CREB3L1: variants seen among roughly 807,000 people sequenced by gnomAD.
CREB3L1 encodes the protein cyclic AMP-responsive element-binding protein 3-like protein 1.
Under a neutral mutation model 54.5 loss-of-function variants are expected in CREB3L1, and 33 were observed. The observed-to-expected ratio is 0.61, with a 90% confidence interval of 0.46 to 0.81. CREB3L1 has a LOEUF of 0.81. Ranked by LOEUF, CREB3L1 falls within the 30% of genes least tolerant of loss-of-function variation. CREB3L1 has a pLI of 0.00. For missense variants in CREB3L1, 656 were observed against 673.3 expected (o/e 0.97, Z 0.29); for synonymous variants, 284 against 286.4 (o/e 0.99, Z 0.08).
intron 1 of CREB3L1, among the ~76,000 whole-genome samples, chr11:46,299,490 T>G (rs1939260690): frequency 6.6e-6 from 1 of 152,134 alleles, no homozygotes; most frequent in Non-Finnish European, 1.5e-5. Flanking sequence ...GAAAACAAAC[T>G]TGTTGGCGTA....
intron 2 of CREB3L1, among the ~76,000 whole-genome samples, chr11:46,303,161 G>A (rs1939329032): frequency 6.6e-6 from 1 of 152,148 alleles, no homozygotes; most frequent in South Asian, 2.1e-4. Context: ...GACCCACAAG[G>A]GCATTGGTGT....
chr11:46,317,165 G>T (rs1023643682), intron 9 of CREB3L1, among the ~76,000 whole-genome samples, 196 bp from the exon 10 acceptor site: 1 of 152,198 alleles, frequency 6.6e-6, no homozygotes, highest in African/African-American at 2.4e-5. Flanking sequence ...GGCTGGGATG[G>T]CCTGGGCTGT....
In CREB3L1 at chr11:46,295,069, G is replaced by A. The variant is rs1939189088; in HGVS notation, c.103-4866G>A. 6.6e-6 allele frequency: 1 copy of A among 152,552 alleles called. No homozygotes were observed. The allele number at this position is 152,552 out of a possible 1,614,324, so 9.4% of individuals were successfully genotyped here. On this transcript the variant is annotated intron_variant, in intron 1 of 11. Transcript: ENST00000621158. The surrounding 1 kb of genome is among the most constrained non-coding windows in gnomAD (Gnocchi z 4.6). ...CTGAACCAGCCTGGGCCGGGGGAGG[G>A]GCAGAAGTTAGGAGTGGGGGTGCAG...
chr11:46,286,826 GAAA>G (rs1939061936), intron 1 of CREB3L1, among the ~76,000 whole-genome samples: 2 of 145,894 alleles, frequency 1.4e-5, no homozygotes, highest in South Asian at 4.2e-4. Flanking sequence ...GAAAAAGAAA[GAAA>G]GAAGAAAGAA....
In CREB3L1 at chr11:46,285,904, G is replaced by A. The variant is rs1939049198; in HGVS notation, c.102+7691G>A. 3.9e-5 allele frequency among the ~76,000 whole-genome samples: 6 copies of A among 152,340 alleles called. No homozygotes were observed. In the South Asian group the frequency reaches 1.2e-3, roughly 32 times the overall value. On this transcript the variant is annotated intron_variant, in intron 1 of 11. Coordinates refer to ENST00000621158, the MANE Select transcript of CREB3L1 (RefSeq NM_052854.4). ...GCCTTCATGGAGAGCCAGGAGGCGGGTTTCAGGCAGTGATTGACAGGGGCT... is the reference window on the plus strand; with the variant it reads ...GCCTTCATGGAGAGCCAGGAGGCGGATTTCAGGCAGTGATTGACAGGGGCT...
intron 5 of CREB3L1, 96 bp from the exon 6 acceptor site, chr11:46,312,229 T>G: frequency 9.6e-7 from 1 of 1,043,796 alleles, no homozygotes; most frequent in Non-Finnish European, 1.4e-6. Flanking sequence ...TAGAGCATTG[T>G]GTGCCTTGCC....
chr11:46,278,070 T>C lies in CREB3L1; in HGVS notation c.-42T>C, dbSNP rs1351700614. 1 of 1,274,030 alleles carries C rather than the reference T, an allele frequency of 7.8e-7. No homozygotes were observed. The highest frequency in any genetic ancestry group is 1.1e-6 in the Non-Finnish European group (1 of 923,042). The allele number at this position is 1,274,030 out of a possible 1,614,324, so 78.9% of individuals were successfully genotyped here. ...GACTGGGCGCGCCGCCGCCCTGGAG[T>C]GAGGGAAGCCCAGTGGAAGGGGGTC... is the stretch of plus-strand genomic sequence containing the variant. On this transcript the variant is annotated 5_prime_UTR_variant, in exon 1 of 12. Coordinates refer to ENST00000621158, the MANE Select transcript of CREB3L1 (RefSeq NM_052854.4). The surrounding 1 kb of genome is among the most constrained non-coding windows in gnomAD (Gnocchi z 4.2).
intron 8 of CREB3L1, among the ~76,000 whole-genome samples, chr11:46,313,578 C>T (rs1399795787): frequency 1.3e-5 from 2 of 151,772 alleles, no homozygotes; most frequent in African/African-American, 2.4e-5. Context: ...CCCAGCTACT[C>T]GGGAGGCTGA....
chr11:46,298,160 C>G (rs1371542625), intron 1 of CREB3L1, among the ~76,000 whole-genome samples: 1 of 152,196 alleles, frequency 6.6e-6, no homozygotes, highest in Admixed American at 6.6e-5. Context: ...CAGACAGACT[C>G]ATGTGGCCCT....
intron 1 of CREB3L1, among the ~76,000 whole-genome samples, chr11:46,281,195 C>T (rs573710450): frequency 8.5e-4 from 129 of 152,332 alleles, no homozygotes; most frequent in African/African-American, 2.8e-3. Context: ...GGGGCATCTC[C>T]TCCCTGCCCC....
At chr11:46,304,810 G>A (rs1166913458) in intron 2 of CREB3L1, among the ~76,000 whole-genome samples, 1 of 152,024 alleles carries the variant, frequency 6.6e-6, no homozygotes, top group Non-Finnish European at 1.5e-5. Flanking sequence ...TCCCACCTCA[G>A]CCTCCCAAAT....
intron 8 of CREB3L1, among the ~76,000 whole-genome samples, chr11:46,314,465 C>T (rs1939536406): frequency 6.6e-6 from 1 of 152,022 alleles, no homozygotes; most frequent in Non-Finnish European, 1.5e-5. Flanking sequence ...TAGCTCACTG[C>T]AGCCTCAAAC....
At position 46,311,105 on chromosome 11, in the gene CREB3L1, C is replaced by T. The variant is rs774942627; in HGVS notation, c.669C>T (p.Arg223=). The change falls in exon 5 of 12, where the codon CGC becomes CGT. Residue 223 remains arginine (R), a synonymous_variant. Transcript: ENST00000621158. ...ACAGCGACGGCTCCCAGAGTCCCCG[C>T]TCTCTGCCCCCCTCCAGCCCTGTCA... ...GSDSDGSQSP[R]SLPPSSPVRP... 1.4e-5 allele frequency: 23 copies of T among 1,608,554 alleles called. No individual in the cohort carries two copies. In the Admixed American group the frequency reaches 3.8e-4, roughly 27 times the overall value.
intron 8 of CREB3L1, chr11:46,315,357 G>T (rs914514719): frequency 4.6e-6 from 1 of 216,172 alleles, no homozygotes. Flanking sequence ...TGCCCGTTTG[G>T]GTGGAGAGAG....
Position 46,281,813 on chromosome 11 carries a change from AT to A in CREB3L1, c.102+3603del, listed in dbSNP as rs199685203. On this transcript the variant is annotated intron_variant, in intron 1 of 11. Transcript: ENST00000621158. ...CCTTTAACAGTCCTTAAAAGGGGAG[AT>A]TTGTGTGTGTTTCTGTTTAAGTTCT... is the stretch of plus-strand genomic sequence containing the variant. Among the ~76,000 whole-genome samples, 462 of 152,022 alleles carry A rather than the reference AT, an allele frequency of 3.0e-3. 6 individuals carry two copies. The highest frequency in any genetic ancestry group is 0.029 in the Admixed American group (442 of 15,268).
rs1939648730 is a variant in CREB3L1 at position 46,321,267 on chromosome 11, C to T, written c.*521C>T. On this transcript the variant is annotated 3_prime_UTR_variant, in exon 12 of 12. Coordinates refer to ENST00000621158, the MANE Select transcript of CREB3L1 (RefSeq NM_052854.4). ...TAGTGCGGGCTTTGCTGCTCCCTGG[C>T]CCAGGAAAGAGGGACTACCTGACCC... 3.5e-6 allele frequency: 1 copy of T among 283,116 alleles called. No individual in the cohort carries two copies. Among genetic ancestry groups the T allele is most frequent in the South Asian group, 7.3e-5 (1 of 13,680 alleles). The allele number at this position is 283,116 out of a possible 1,614,324, so 17.5% of individuals were successfully genotyped here. A position where few individuals can be genotyped will look rare whatever the true frequency, so the allele number is the denominator to read the frequency against.
Position 46,284,513 on chromosome 11 carries a change from G to A in CREB3L1, c.102+6300G>A, listed in dbSNP as rs138997560. 4.4e-3 allele frequency among the ~76,000 whole-genome samples: 670 copies of A among 152,134 alleles called. 6 individuals are homozygous for A. Among genetic ancestry groups the A allele is most frequent in the African/African-American group, 0.015 (639 of 41,512 alleles). On this transcript the variant is annotated intron_variant, in intron 1 of 11. Coordinates refer to ENST00000621158, the MANE Select transcript of CREB3L1 (RefSeq NM_052854.4). Reference sequence around the variant, plus strand: ...TAAAAATACCAAAAAAATTAGCCAGGCATGGTGGCATGTGCCTGTAATCCC... The same window carrying A: ...TAAAAATACCAAAAAAATTAGCCAGACATGGTGGCATGTGCCTGTAATCCC...
chr11:46,309,612 C>T (rs1173590683), intron 3 of CREB3L1, among the ~76,000 whole-genome samples: 2 of 152,214 alleles, frequency 1.3e-5, no homozygotes, highest in African/African-American at 2.4e-5. Flanking sequence ...TTCTGTACTA[C>T]TGCTACCAGC....
At chr11:46,288,517 A>G (rs1041753249) in intron 1 of CREB3L1, among the ~76,000 whole-genome samples, 10 of 152,234 alleles carry the variant, frequency 6.6e-5, no homozygotes, top group African/African-American at 2.4e-4. Flanking sequence ...CACCTTGTCC[A>G]GCCCTGCAGA....
Sources: allele counts gnomAD v4.1 joint callset (sites outside exome capture counted in the v4.1 genomes callset), GRCh38; gene constraint gnomAD v4.1.1; non-coding constraint Gnocchi (gnomAD v3.1); transcripts MANE v1.5; gene names NCBI Gene and HGNC (gene_info 2026-07-23, HGNC 2026-07-21).